PCDHGA10: variants seen among roughly 807,000 people sequenced by gnomAD.
PCDHGA10 encodes protocadherin gamma-A10.
In PCDHGA10, 42 loss-of-function variants were observed where a neutral mutation model predicts 59.5. The ratio of observed to expected loss-of-function variants is 0.71; its 90% CI spans 0.55 to 0.91. The LOEUF (loss-of-function observed/expected upper bound fraction) is 0.91. Among genes scored for constraint, PCDHGA10 ranks in the 40% least tolerant of loss-of-function variants. The probability of loss-of-function intolerance (pLI) is 0.00; values close to 1 mark genes in which losing one functional copy is unlikely to be tolerated. For synonymous variants in PCDHGA10, 511 were observed against 517.2 expected, an observed-to-expected ratio of 0.99 and a Z score of 0.16; for missense variants, 1,111 against 1,198.2, an observed-to-expected ratio of 0.93 and a Z score of 1.07.
intron 1 of PCDHGA10, among the ~76,000 whole-genome samples, chr5:141,447,082 T>A (rs1259827606): frequency 6.6e-6 from 1 of 152,156 alleles, no homozygotes; most frequent in Non-Finnish European, 1.5e-5. Flanking sequence ...ATTTTTGTTG[T>A]TTAATTTTCT....
chr5:141,466,285 C>A (rs1271958613), intron 1 of PCDHGA10, among the ~76,000 whole-genome samples: 1 of 152,148 alleles, frequency 6.6e-6, no homozygotes, highest in African/African-American at 2.4e-5. Context: ...ATCTTCCCAC[C>A]TCAGGCTCCC....
chr5:141,454,762 G>C (rs889314181), intron 1 of PCDHGA10, among the ~76,000 whole-genome samples: 4 of 115,056 alleles, frequency 3.5e-5, no homozygotes, highest in African/African-American at 6.6e-5. Context: ...ATCTTGACAT[G>C]TTTTTTACAA....
chr5:141,423,753 G>A (rs758300730), intron 1 of PCDHGA10: 1 of 626,096 alleles, frequency 1.6e-6, no homozygotes, highest in Non-Finnish European at 2.0e-6. Context: ...AACTGTTTGG[G>A]GGGGGGGTGG....
intron 1 of PCDHGA10, among the ~76,000 whole-genome samples, chr5:141,462,160 A>T (rs575238638): frequency 4.6e-5 from 7 of 152,122 alleles, no homozygotes; most frequent in Non-Finnish European, 1.0e-4. Flanking sequence ...GGGTTTCATC[A>T]TGTTGGCCAG....
At chr5:141,469,743 A>G (rs1166798506) in intron 1 of PCDHGA10, among the ~76,000 whole-genome samples, 1 of 152,252 alleles carries the variant, frequency 6.6e-6, no homozygotes, top group Non-Finnish European at 1.5e-5. Context: ...CACCTCAAAA[A>G]TTACAAAAAT....
At chr5:141,421,675 G>A in intron 1 of PCDHGA10, 2 of 1,613,910 alleles carry the variant, frequency 1.2e-6, no homozygotes, top group Non-Finnish European at 1.7e-6. Context: ...CGCAATTCCT[G>A]GGGCGCGATT....
chr5:141,422,286 T>C, intron 1 of PCDHGA10: 2 of 1,554,938 alleles, frequency 1.3e-6, no homozygotes, highest in Non-Finnish European at 1.7e-6. Flanking sequence ...TCACCTCTTC[T>C]ATTAATTCAA....
chr5:141,464,725 A>G (rs538200804), intron 1 of PCDHGA10, among the ~76,000 whole-genome samples: 27 of 152,178 alleles, frequency 1.8e-4, no homozygotes, highest in African/African-American at 5.1e-4. Flanking sequence ...TCATATGTTT[A>G]AAAGCCAGTT....
At position 141,490,551 on chromosome 5, in the gene PCDHGA10, T is replaced by A; in HGVS notation, c.2437-4256T>A. On this transcript the variant is annotated intron_variant, in intron 1 of 3. Coordinates refer to ENST00000398610, the MANE Select transcript of PCDHGA10 (RefSeq NM_018913.3). This position sits in a 1 kb window ranked among gnomAD's most constrained non-coding sequence, Gnocchi z 5.4. ...CTGGTTCACCTTCCCTACACAAACA[T>A]CTCACCATCAGGCTCAACATTTCAG... is the stretch of plus-strand genomic sequence containing the variant. 1 of 1,614,088 alleles carries A rather than the reference T, an allele frequency of 6.2e-7. No individual in the cohort carries two copies. Among genetic ancestry groups the A allele is most frequent in the East Asian group, 2.2e-5 (1 of 44,874 alleles).
chr5:141,419,564 C>A (rs2096400387), intron 1 of PCDHGA10: 5 of 1,611,832 alleles, frequency 3.1e-6, no homozygotes, highest in Non-Finnish European at 4.2e-6. Context: ...TGCGCTGGGT[C>A]CCGACGGCTC....
chr5:141,420,076 T>A, intron 1 of PCDHGA10: 2 of 1,613,956 alleles, frequency 1.2e-6, no homozygotes, highest in Non-Finnish European at 1.7e-6. Context: ...GACCTGTGGG[T>A]CCCCCCAACT....
chr5:141,494,678 G>A, intron 1 of PCDHGA10, 129 bp from the exon 2 acceptor site: 1 of 1,554,384 alleles, frequency 6.4e-7, no homozygotes, highest in Non-Finnish European at 8.7e-7. Flanking sequence ...GTCCACCCCT[G>A]CCCCCTCTTA....
At position 141,438,611 on chromosome 5, in the gene PCDHGA10, TATATATATATATATATATATATATACAC is replaced by T. The variant is rs1434670383; in HGVS notation, c.2436+23002_2436+23029del. On this transcript the variant is annotated intron_variant, in intron 1 of 3. Transcript: ENST00000398610. ...ACATACATATATATATATATATATA[TATATATATATATATATATATATATACAC>T]ACACACACACACATATATGTATATA... Among the ~76,000 whole-genome samples the T allele has an allele frequency of 2.7e-3, 107 of 39,370 alleles. 2 individuals are homozygous for T. Among genetic ancestry groups the T allele is most frequent in the Admixed American group, 0.019 (57 of 3,044 alleles). The allele number at this position is 39,370 out of a possible 152,430, so 25.8% of individuals were successfully genotyped here.
intron 1 of PCDHGA10, chr5:141,427,597 T>C: frequency 1.5e-6 from 1 of 682,152 alleles, no homozygotes; most frequent in Non-Finnish European, 2.7e-6. Context: ...AGCCTCACCC[T>C]ACGCATTGGT....
chr5:141,478,290 A>G, intron 1 of PCDHGA10: 1 of 1,614,056 alleles, frequency 6.2e-7, no homozygotes, highest in South Asian at 1.1e-5. Flanking sequence ...CAGTCTAGAG[A>G]CCTATACCGA....
Position 141,431,999 on chromosome 5 carries a change from C to G in PCDHGA10, c.2436+16388C>G. The G allele has an allele frequency of 6.2e-7, 1 of 1,614,158 alleles. No homozygotes were observed. The highest frequency in any genetic ancestry group is 1.1e-5 in the South Asian group (1 of 91,086). On this transcript the variant is annotated intron_variant, in intron 1 of 3. Transcript: ENST00000398610. This position sits in a 1 kb window ranked among gnomAD's most constrained non-coding sequence, Gnocchi z 4.8. ...CACAGACATAGTCTTGGATAGGGAA[C>G]AGGTTCCTAGCTACAACATCACAGT... is the stretch of plus-strand genomic sequence containing the variant.
Position 141,476,788 on chromosome 5 carries a change from C to G in PCDHGA10, c.2437-18019C>G. 1 of 1,613,478 alleles carries G rather than the reference C, an allele frequency of 6.2e-7. No homozygotes were observed. Among genetic ancestry groups the G allele is most frequent in the Non-Finnish European group, 8.5e-7 (1 of 1,180,032 alleles). ...CGTTGGACGGAGGGACCCCAGCTCT[C>G]TCCGCCAGCCTGCCTATTCACATCA... On this transcript the variant is annotated intron_variant, in intron 1 of 3. Coordinates refer to ENST00000398610, the MANE Select transcript of PCDHGA10 (RefSeq NM_018913.3). This position sits in a 1 kb window ranked among gnomAD's most constrained non-coding sequence, Gnocchi z 7.6.
chr5:141,431,799 T>A lies in PCDHGA10; in HGVS notation c.2436+16188T>A. 6.2e-7 allele frequency: 1 copy of A among 1,614,228 alleles called. No homozygotes were observed. The highest frequency in any genetic ancestry group is 8.5e-7 in the Non-Finnish European group (1 of 1,180,036). On this transcript the variant is annotated intron_variant, in intron 1 of 3. Transcript: ENST00000398610. This position sits in a 1 kb window ranked among gnomAD's most constrained non-coding sequence, Gnocchi z 4.8. ...GACGTGAACGACAATGCCCCAGAAG[T>A]GGTCCTCACCTCTCTCGCCAGCTCG...
At chr5:141,483,694 C>T (rs915328297) in intron 1 of PCDHGA10, among the ~76,000 whole-genome samples, 3 of 151,952 alleles carry the variant, frequency 2.0e-5, no homozygotes, top group African/African-American at 4.8e-5. Flanking sequence ...AGCCAGATTC[C>T]TCTTTTTGAC....
Sources: gnomAD v4.1 joint callset for allele counts (sites outside exome capture counted in the v4.1 genomes callset) on GRCh38, gnomAD v4.1.1 for gene constraint, Gnocchi (gnomAD v3.1) non-coding constraint, MANE v1.5 for transcripts, NCBI Gene and HGNC (gene_info 2026-07-23, HGNC 2026-07-21) for gene names.